Variants in LRP4 observed in about 807,000 individuals in gnomAD.
LRP4 encodes the protein LDL receptor related protein 4, also known as low-density lipoprotein receptor-related protein 4.
In LRP4, 95 loss-of-function variants were observed where a neutral mutation model predicts 220.3. The observed-to-expected ratio is 0.43, with a 90% CI of 0.37 to 0.51. The LOEUF (loss-of-function observed/expected upper bound fraction) is 0.51, where lower values mean the gene tolerates loss of function less well. Ranked by LOEUF, LRP4 falls within the 20% of genes least tolerant of loss-of-function variation. The pLI is 0.00. For missense variants in LRP4, 1,925 were observed against 2,567.0 expected (o/e 0.75, Z 5.40); for synonymous variants, 903 against 954.6 (o/e 0.95, Z 1.00).
At position 46,875,513 on chromosome 11, in the gene LRP4, T is replaced by A. The variant is rs1313564880; in HGVS notation, c.3868A>T (p.Arg1290Trp). 18 of 1,614,146 alleles carry A rather than the reference T, an allele frequency of 1.1e-5. No individual in the cohort carries two copies. Among genetic ancestry groups the A allele is most frequent in the Non-Finnish European group, 1.4e-5 (16 of 1,180,034 alleles). ...TCCATGAGGCCTGGCAGGTTGGACC[T>A]CACGAGGATGACATTGCTGCCAGTA... ...KGTGSNVILV[R>W]SNLPGLMDMQ... The change falls in exon 27 of 38, where the codon AGG becomes TGG. Residue 1290 changes from arginine to tryptophan, a missense_variant. Physicochemically the swap from Arg to Trp is moderately radical, Grantham distance 101. This residue lies in a region of LRP4 where 1,244 missense variants were observed against 1,624.9 expected (regional missense o/e 0.77). Coordinates refer to ENST00000378623, the MANE Select transcript of LRP4 (RefSeq NM_002334.4). The surrounding 1 kb of genome is among the most constrained non-coding windows in gnomAD (Gnocchi z 4.5).
intron 1 of LRP4, among the ~76,000 whole-genome samples, chr11:46,916,922 T>C (rs1186411310): frequency 6.6e-6 from 1 of 152,044 alleles, no homozygotes; most frequent in Non-Finnish European, 1.5e-5. Flanking sequence ...AGGCTACAAA[T>C]AACCTTCCAG....
chr11:46,873,078 C>T lies in LRP4; in HGVS notation c.4583+22G>A. The T allele has an allele frequency of 6.2e-7, 1 of 1,614,186 alleles. No homozygotes were observed. ...TTCTGCCCACCCGATTTCCAGGAGG[C>T]TGTTTGATGCAAGACTCCCACCTGC... On this transcript the variant is annotated intron_variant, in intron 30 of 37. Coordinates refer to ENST00000378623, the MANE Select transcript of LRP4 (RefSeq NM_002334.4). This position sits in a 1 kb window ranked among gnomAD's most constrained non-coding sequence, Gnocchi z 4.2.
intron 19 of LRP4, among the ~76,000 whole-genome samples, chr11:46,883,407 T>A (rs1358714669): frequency 6.6e-6 from 1 of 152,262 alleles, no homozygotes; most frequent in Non-Finnish European, 1.5e-5. Flanking sequence ...AAGGCATTTT[T>A]AAGCCATAAA....
intron 8 of LRP4, 26 bp from the exon 9 acceptor site, chr11:46,896,361 AGCAAGGCAGGG>A: frequency 6.2e-7 from 1 of 1,611,760 alleles, no homozygotes; most frequent in Non-Finnish European, 8.5e-7. Context: ...GTCAGGTCAT[AGCAAGGCAGGG>A]CTTGGGCCAA....
rs1941496909 is a variant in LRP4 at position 46,895,073 on chromosome 11, T to A, written c.1309+93A>T. On this transcript the variant is annotated intron_variant, in intron 11 of 37. Transcript: ENST00000378623. ...TGCATTTTACTGTGACAGAAATCTC[T>A]CTACCTCTCTGCAAATCCCTGAGCA... 3.9e-6 allele frequency: 6 copies of A among 1,521,384 alleles called. No individual in the cohort carries two copies. In the Admixed American group the frequency reaches 8.4e-5, roughly 21 times the overall value. 94.2% of individuals were successfully genotyped at this position (1,521,384 alleles called of 1,614,324 possible).
At chr11:46,878,754 T>C (rs1362619069) in intron 22 of LRP4, among the ~76,000 whole-genome samples, 153 bp downstream of exon 22, 2 of 152,142 alleles carry the variant, frequency 1.3e-5, no homozygotes, top group Non-Finnish European at 2.9e-5. Flanking sequence ...GCCCGTCCCC[T>C]TTTCTAAAAG....
At chr11:46,911,860 T>TC (rs71042637) in intron 1 of LRP4, among the ~76,000 whole-genome samples, 3 of 149,624 alleles carry the variant, frequency 2.0e-5, no homozygotes, top group African/African-American at 7.4e-5. Context: ...TTTTTTTTTT[T>TC]GAGACGGAGT....
At chr11:46,895,856 C>T (rs1357592523) in intron 10 of LRP4, 28 bp downstream of exon 10, 1 of 1,608,990 alleles carries the variant, frequency 6.2e-7, no homozygotes, top group Non-Finnish European at 8.5e-7. Flanking sequence ...AGAACCCCGA[C>T]TCTGCTGCAA....
rs539262872 is a variant in LRP4 at position 46,866,591 on chromosome 11, TA to T, written c.5087+1387del. ...ATGAGCCACTGCGCCTGGCCCAGAT[TA>T]TTTTTTATAAAATATAAATGGAAAA... On this transcript the variant is annotated intron_variant, in intron 34 of 37. Transcript: ENST00000378623. 3.4e-3 allele frequency among the ~76,000 whole-genome samples: 513 copies of T among 152,304 alleles called. 3 individuals carry two copies. Among genetic ancestry groups the T allele is most frequent in the African/African-American group, 0.012 (499 of 41,564 alleles).
In LRP4 at chr11:46,890,100, T is replaced by C. The variant is rs1315045487; in HGVS notation, c.1936A>G (p.Ile646Val). The change falls in exon 15 of 38, where the codon ATC becomes GTC. Residue 646 changes from isoleucine (I) to valine (V), a missense_variant. Around this residue, in one of 3 missense-constraint regions of LRP4, gnomAD observed 269 missense variants for 436.7 expected, o/e 0.62. Coordinates refer to ENST00000378623, the MANE Select transcript of LRP4 (RefSeq NM_002334.4). This position sits in a 1 kb window ranked among gnomAD's most constrained non-coding sequence, Gnocchi z 5.3. ...TACAGGCTGTCTTCAAACACTGTGA[T>C]GGCGAAGGGATGCGGGAGGCCTGGG... ...ISQGLPHPFA[I>V]TVFEDSLYWT... The C allele has an allele frequency of 6.2e-7, 1 of 1,614,090 alleles. No individual in the cohort carries two copies. Among genetic ancestry groups the C allele is most frequent in the Admixed American group, 1.7e-5 (1 of 60,020 alleles).
At chr11:46,878,252 A>G (rs1941065052) in intron 22 of LRP4, among the ~76,000 whole-genome samples, 1 of 148,542 alleles carries the variant, frequency 6.7e-6, no homozygotes, top group East Asian at 2.0e-4. Context: ...TTATTATACC[A>G]ATTTTGGGCA....
Position 46,883,883 on chromosome 11 carries a change from T to C in LRP4, c.2600A>G (p.Glu867Gly). ...NLDRPRDIVV[E>G]PMGGYMYWTD... is the part of the protein sequence containing the mutation. ...GGCAGCCACTCACCCGCCCATGGGTTCCACCACGATGTCCCGAGGACGATC... is the reference window on the plus strand; with the variant it reads ...GGCAGCCACTCACCCGCCCATGGGTCCCACCACGATGTCCCGAGGACGATC... The change falls in exon 19 of 38, where the codon GAA (glutamate) becomes GGA (glycine). Residue 867 changes from glutamate (E) to glycine (G), a missense_variant. Glu to Gly is a moderately conservative substitution (Grantham distance 98, BLOSUM62 -2). Around this residue, in one of 3 missense-constraint regions of LRP4, gnomAD observed 1,244 missense variants for 1,624.9 expected, o/e 0.77. Coordinates refer to ENST00000378623, the MANE Select transcript of LRP4 (RefSeq NM_002334.4). The C allele has an allele frequency of 1.2e-6, 2 of 1,614,108 alleles. No homozygotes were observed. Among genetic ancestry groups the C allele is most frequent in the Non-Finnish European group, 1.7e-6 (2 of 1,179,962 alleles).
intron 12 of LRP4, among the ~76,000 whole-genome samples, chr11:46,894,339 A>G (rs753447775): frequency 6.6e-6 from 1 of 152,254 alleles, no homozygotes; most frequent in South Asian, 2.1e-4. Context: ...TCTGATTCCC[A>G]TGATCACAAC....
At chr11:46,898,132 G>A (rs1219101216) in intron 7 of LRP4, among the ~76,000 whole-genome samples, 2 of 131,046 alleles carry the variant, frequency 1.5e-5, no homozygotes, top group African/African-American at 5.8e-5. Flanking sequence ...TGGATGGGGC[G>A]GCTGGCCGGG....
rs772004553 is a variant in LRP4 at position 46,896,291 on chromosome 11, G to A, written c.967C>T (p.Arg323Cys). The A allele has an allele frequency of 1.4e-5, 22 of 1,614,018 alleles. No homozygotes were observed. Among genetic ancestry groups the A allele is most frequent in the Admixed American group, 3.3e-5 (2 of 60,010 alleles). Residue 323 changes from arginine to cysteine, a missense_variant, in exon 9 of 38, where the codon CGC (arginine) becomes TGC (cysteine). This residue lies in a region of LRP4 where 412 missense variants were observed against 505.4 expected (regional missense o/e 0.82). Transcript: ENST00000378623. ...CACAGCTTCCTCTGCCCAATGCAGC[G>A]CCCATTCCAACACAGGAACTGGTCC... Reference protein sequence around the residue: ...ALDQFLCWNGRCIGQRKLCNG... With the variant: ...ALDQFLCWNGCCIGQRKLCNG...
chr11:46,894,583 C>T lies in LRP4; in HGVS notation c.1540+6G>A. On this transcript the variant is annotated splice_donor_region_variant and intron_variant, in intron 12 of 37. Coordinates refer to ENST00000378623, the MANE Select transcript of LRP4 (RefSeq NM_002334.4). Reference sequence around the variant, plus strand: ...CTGCCCCTCTCCATGGGGCCTTGTTCCCTACCTGGGCTCTCCAGCCCAGTA... The same window carrying T: ...CTGCCCCTCTCCATGGGGCCTTGTTTCCTACCTGGGCTCTCCAGCCCAGTA... 1.9e-6 allele frequency: 3 copies of T among 1,594,258 alleles called. No individual in the cohort carries two copies.
intron 25 of LRP4, 54 bp from the exon 26 acceptor site, chr11:46,876,020 A>G: frequency 6.4e-7 from 1 of 1,553,196 alleles, no homozygotes. Flanking sequence ...CAGCTACCAC[A>G]TACCATGAAT....
intron 23 of LRP4, 110 bp downstream of exon 23, chr11:46,877,089 G>A: frequency 7.7e-7 from 1 of 1,303,676 alleles, no homozygotes; most frequent in Non-Finnish European, 1.1e-6. Flanking sequence ...AGGGAATGGG[G>A]AACAAACACC....
chr11:46,903,613 T>C (rs1941709458), intron 1 of LRP4, among the ~76,000 whole-genome samples: 2 of 152,228 alleles, frequency 1.3e-5, no homozygotes, highest in Non-Finnish European at 2.9e-5. Flanking sequence ...TCCATAGCCT[T>C]CTCACTAAAA....
Sources: allele counts gnomAD v4.1 joint callset (sites outside exome capture counted in the v4.1 genomes callset), GRCh38; gene constraint gnomAD v4.1.1; regional missense constraint gnomAD v4.1.1; non-coding constraint Gnocchi (gnomAD v3.1); transcripts MANE v1.5; gene names NCBI Gene and HGNC (gene_info 2026-07-23, HGNC 2026-07-21).